The following NR3C2 variants were observed in gnomAD, a reference collection of about 807,000 sequenced individuals.
NR3C2 encodes nuclear receptor subfamily 3 group C member 2.
In NR3C2, 15 loss-of-function variants were observed where a neutral mutation model predicts 86.4. The observed-to-expected ratio is 0.17, with a 90% confidence interval of 0.12 to 0.27. The LOEUF (loss-of-function observed/expected upper bound fraction) is 0.27, where lower values mean the gene tolerates loss of function less well. NR3C2 is among the 10% of genes least tolerant of loss of function. The probability of loss-of-function intolerance (pLI) is 1.00; values close to 1 mark genes in which losing one functional copy is unlikely to be tolerated. For synonymous variants in NR3C2, 458 were observed against 450.5 expected (o/e 1.02, Z -0.21); for missense variants, 960 against 1,195.6 (o/e 0.80, Z 2.91).
chr4:148,375,254 G>C (rs991593843), intron 2 of NR3C2, among the ~76,000 whole-genome samples: 1 of 152,068 alleles, frequency 6.6e-6, no homozygotes, highest in Non-Finnish European at 1.5e-5. Context: ...TCGGTAGTTC[G>C]AAACCAGCCT....
intron 2 of NR3C2, among the ~76,000 whole-genome samples, chr4:148,318,031 C>A (rs111912397): frequency 0.15 from 18,008 of 122,868 alleles, 1,218 homozygotes; most frequent in South Asian, 0.3. Context: ...CCCCCTCCCC[C>A]CACCCCACAA....
At chr4:148,400,991 C>T (rs1380949706) in intron 2 of NR3C2, among the ~76,000 whole-genome samples, 3 of 152,124 alleles carry the variant, frequency 2.0e-5, no homozygotes, top group African/African-American at 7.2e-5. Flanking sequence ...TTATTGCCTA[C>T]CAAGTATTAT....
intron 4 of NR3C2, among the ~76,000 whole-genome samples, chr4:148,161,413 C>T (rs1312864806): frequency 2.0e-5 from 3 of 151,720 alleles, no homozygotes; most frequent in African/African-American, 4.8e-5. Context: ...GCAGTGTCAC[C>T]GTATCGGCTC....
At chr4:148,257,748 A>G (rs927069264) in intron 3 of NR3C2, among the ~76,000 whole-genome samples, 2 of 152,146 alleles carry the variant, frequency 1.3e-5, no homozygotes, top group Admixed American at 1.3e-4. Context: ...CTAACAAAAA[A>G]TACAAAAACA....
At chr4:148,393,513 C>G (rs1184249444) in intron 2 of NR3C2, among the ~76,000 whole-genome samples, 1 of 152,152 alleles carries the variant, frequency 6.6e-6, no homozygotes, top group Admixed American at 6.5e-5. Flanking sequence ...GGGTGGGGAT[C>G]TTGCCCAAGT....
At chr4:148,424,370 A>C (rs1036339864) in intron 2 of NR3C2, among the ~76,000 whole-genome samples, 4 of 152,222 alleles carry the variant, frequency 2.6e-5, no homozygotes, top group Non-Finnish European at 4.4e-5. Flanking sequence ...ACTTTGTAAA[A>C]CAATTTGATA....
intron 1 of NR3C2, among the ~76,000 whole-genome samples, chr4:148,440,731 A>T (rs1316221329): frequency 2.0e-5 from 3 of 152,154 alleles, no homozygotes; most frequent in Non-Finnish European, 4.4e-5. Flanking sequence ...ACAAAGGAAA[A>T]CCTTAAAGTT....
chr4:148,281,470 T>C (rs747040660), intron 2 of NR3C2, among the ~76,000 whole-genome samples: 4 of 152,194 alleles, frequency 2.6e-5, no homozygotes, highest in Admixed American at 6.5e-5. Flanking sequence ...CACTACCAAA[T>C]ATATTTACAT....
At chr4:148,196,727 A>T (rs554251791) in intron 3 of NR3C2, among the ~76,000 whole-genome samples, 28 of 152,366 alleles carry the variant, frequency 1.8e-4, no homozygotes, top group African/African-American at 5.3e-4. Flanking sequence ...CAATAGTAAC[A>T]GAATAGGGAA....
At chr4:148,323,120 C>T (rs900589527) in intron 2 of NR3C2, among the ~76,000 whole-genome samples, 1 of 149,338 alleles carries the variant, frequency 6.7e-6, no homozygotes, top group Admixed American at 6.7e-5. Flanking sequence ...AGCTGCAGGT[C>T]TGTTGGAATA....
intron 4 of NR3C2, among the ~76,000 whole-genome samples, chr4:148,185,413 AG>A (rs1735844617): frequency 6.6e-6 from 1 of 152,198 alleles, no homozygotes; most frequent in Non-Finnish European, 1.5e-5. Context: ...TCTACTCTGT[AG>A]GAAGTCCTGT....
At chr4:148,297,615 C>A (rs1488705354) in intron 2 of NR3C2, among the ~76,000 whole-genome samples, 1 of 151,998 alleles carries the variant, frequency 6.6e-6, no homozygotes, top group Admixed American at 6.6e-5. Context: ...CAAAAGTAGA[C>A]AGGTGTAGTG....
chr4:148,129,987 A>T (rs1732942158), intron 6 of NR3C2, among the ~76,000 whole-genome samples: 1 of 152,206 alleles, frequency 6.6e-6, no homozygotes, highest in African/African-American at 2.4e-5. Context: ...CTTTTATAAT[A>T]TACAAAATGT....
chr4:148,143,666 C>T (rs565782650), intron 6 of NR3C2, among the ~76,000 whole-genome samples: 13 of 152,330 alleles, frequency 8.5e-5, no homozygotes, highest in African/African-American at 3.1e-4. Flanking sequence ...AAACAACAGG[C>T]TGGGCGCGGT....
chr4:148,176,120 A>C (rs1735363752), intron 4 of NR3C2, among the ~76,000 whole-genome samples: 1 of 152,234 alleles, frequency 6.6e-6, no homozygotes, highest in East Asian at 1.9e-4. Context: ...AAGGGAGATG[A>C]AAGAAAGTCA....
intron 2 of NR3C2, among the ~76,000 whole-genome samples, chr4:148,266,709 C>G (rs190853898): frequency 1.2e-3 from 177 of 152,296 alleles, no homozygotes; most frequent in Non-Finnish European, 2.1e-3. Flanking sequence ...TAAAATCTTA[C>G]TGTGACTGTT....
chr4:148,107,216 A>G (rs765839772), intron 8 of NR3C2, among the ~76,000 whole-genome samples: 2 of 152,132 alleles, frequency 1.3e-5, no homozygotes, highest in African/African-American at 2.4e-5. Flanking sequence ...TTCTCAAAAG[A>G]CATTTATGCA....
At chr4:148,275,666 T>G (rs751936430) in intron 2 of NR3C2, among the ~76,000 whole-genome samples, 1 of 152,086 alleles carries the variant, frequency 6.6e-6, no homozygotes, top group African/African-American at 2.4e-5. Context: ...CTGACCTCAG[T>G]TGATCCACCC....
rs184297380 is a variant in NR3C2 at position 148,414,226 on chromosome 4, T to C, written c.1757+20878A>G. On this transcript the variant is annotated intron_variant, in intron 2 of 8. Coordinates refer to ENST00000358102, the MANE Select transcript of NR3C2 (RefSeq NM_000901.5). ...CTAAATATACGCATACACCTATATA[T>C]GCAGGATAAAAACATGGGCAGAAAA... Among the ~76,000 whole-genome samples, 27 of 152,282 alleles carry C rather than the reference T, an allele frequency of 1.8e-4. No homozygotes were observed. In the South Asian group the frequency reaches 3.1e-3, roughly 18 times the overall value.
Sources: allele counts gnomAD v4.1 joint callset (sites outside exome capture counted in the v4.1 genomes callset), GRCh38; gene constraint gnomAD v4.1.1; transcripts MANE v1.5; gene names NCBI Gene and HGNC (gene_info 2026-07-23, HGNC 2026-07-21).